Variants in FNDC3A observed in about 807,000 individuals in gnomAD.
FNDC3A encodes the protein fibronectin type III domain containing 3A, also known as fibronectin type-III domain-containing protein 3A.
FNDC3A carries 32 observed loss-of-function variants against 148.9 expected under a neutral mutation model. The ratio of observed to expected loss-of-function variants is 0.21; its 90% confidence interval spans 0.16 to 0.29. The LOEUF (loss-of-function observed/expected upper bound fraction) is 0.29. Among genes scored for constraint, FNDC3A ranks in the 10% least tolerant of loss-of-function variants. FNDC3A has a pLI of 1.00. For synonymous variants in FNDC3A, 472 were observed against 473.6 expected (o/e 1.00, Z 0.04); for missense variants, 1,191 against 1,452.8 (o/e 0.82, Z 2.93).
intron 8 of FNDC3A, among the ~76,000 whole-genome samples, chr13:49,148,259 T>TG (rs1164015055): frequency 6.6e-6 from 1 of 152,190 alleles, no homozygotes; most frequent in Non-Finnish European, 1.5e-5. Flanking sequence ...GCCTGTGCTT[T>TG]GGGGGTCTTA....
chr13:49,112,113 A>G (rs1259608072), intron 3 of FNDC3A, among the ~76,000 whole-genome samples: 1 of 152,244 alleles, frequency 6.6e-6, no homozygotes, highest in East Asian at 1.9e-4. Flanking sequence ...ATGGCAAAAG[A>G]AAAACCTATT....
intron 2 of FNDC3A, among the ~76,000 whole-genome samples, chr13:49,012,220 T>A (rs565267437): frequency 1.3e-5 from 2 of 152,150 alleles, no homozygotes; most frequent in South Asian, 4.2e-4. Context: ...TTCATGCCAT[T>A]CTCCTGCCTC....
intron 1 of FNDC3A, 145 bp from the exon 2 acceptor site, chr13:49,006,007 A>G (rs1394269594): frequency 1.8e-5 from 7 of 387,134 alleles, no homozygotes; most frequent in East Asian, 4.0e-5. Flanking sequence ...TATTGATTGG[A>G]AAAAAAAGCA....
At chr13:49,164,631 A>T (rs1884354771) in intron 8 of FNDC3A, among the ~76,000 whole-genome samples, 2 of 150,792 alleles carry the variant, frequency 1.3e-5, no homozygotes, top group Non-Finnish European at 3.0e-5. Flanking sequence ...TTCTTGAGAC[A>T]GAGTTTTGCT....
At chr13:49,194,664 A>G (rs1221367585) in intron 19 of FNDC3A, among the ~76,000 whole-genome samples, 1 of 152,174 alleles carries the variant, frequency 6.6e-6, no homozygotes. Context: ...CGTGAATATG[A>G]TAGAAACTGG....
intron 1 of FNDC3A, among the ~76,000 whole-genome samples, chr13:48,992,949 G>C (rs1370016796): frequency 6.6e-6 from 1 of 152,100 alleles, no homozygotes; most frequent in African/African-American, 2.4e-5. Flanking sequence ...AGGAGTATTT[G>C]AAAGTTTCAA....
At chr13:49,025,355 C>G (rs1873626391) in intron 2 of FNDC3A, among the ~76,000 whole-genome samples, 1 of 151,898 alleles carries the variant, frequency 6.6e-6, no homozygotes, top group South Asian at 2.1e-4. Flanking sequence ...CTAATATTTT[C>G]TTTTTTCAAG....
At chr13:49,100,185 T>G (rs1879776698) in intron 3 of FNDC3A, among the ~76,000 whole-genome samples, 1 of 152,168 alleles carries the variant, frequency 6.6e-6, no homozygotes. Flanking sequence ...CTTGCATATG[T>G]TTTTTAATAA....
Position 49,138,194 on chromosome 13 carries a change from A to G in FNDC3A, c.761-553A>G, listed in dbSNP as rs141350064. Among the ~76,000 whole-genome samples the G allele has an allele frequency of 1.5e-4, 23 of 152,292 alleles. No homozygotes were observed. The East Asian group carries it at 4.3e-3, about 28-fold the overall frequency. On this transcript the variant is annotated intron_variant, in intron 6 of 25. Coordinates refer to ENST00000492622, the MANE Select transcript of FNDC3A (RefSeq NM_001079673.2). ...AATGTCTTAACTGTTCATGACTTAT[A>G]TATTAACAACATTTACATAAATGTT...
intron 8 of FNDC3A, among the ~76,000 whole-genome samples, chr13:49,162,879 G>T (rs1369629021): frequency 1.4e-5 from 2 of 146,658 alleles, no homozygotes; most frequent in African/African-American, 5.1e-5. Flanking sequence ...CTCAGCTGCA[G>T]GTCTGTTGGA....
intron 2 of FNDC3A, among the ~76,000 whole-genome samples, chr13:49,057,375 A>G (rs1002360011): frequency 2.0e-5 from 3 of 152,180 alleles, no homozygotes; most frequent in Non-Finnish European, 4.4e-5. Context: ...TACTGGCTTT[A>G]TCTCCTATTT....
chr13:48,990,875 A>G (rs1394679200), intron 1 of FNDC3A, among the ~76,000 whole-genome samples: 2 of 152,208 alleles, frequency 1.3e-5, no homozygotes, highest in Non-Finnish European at 2.9e-5. Context: ...ATATTCCTGA[A>G]GTAGTGTATT....
chr13:49,110,531 AT>A lies in FNDC3A; in HGVS notation c.176-4122del, dbSNP rs1441309273. ...ATATCATCGCCATAAAATATTTTAA[AT>A]TGTTGCCATGTAAATACAAAAAGGT... On this transcript the variant is annotated intron_variant, in intron 3 of 25. Transcript: ENST00000492622. 24 of 726,032 alleles carry A rather than the reference AT, an allele frequency of 3.3e-5. No individual in the cohort carries two copies. The African/African-American group carries it at 3.9e-4, about 12-fold the overall frequency. The allele number at this position is 726,032 out of a possible 1,614,324, so 45.0% of individuals were successfully genotyped here.
At chr13:49,060,826 G>A (rs1876629304) in intron 2 of FNDC3A, among the ~76,000 whole-genome samples, 1 of 152,044 alleles carries the variant, frequency 6.6e-6, no homozygotes, top group African/African-American at 2.4e-5. Flanking sequence ...GTGATTACCA[G>A]GGGCTCGGAA....
At chr13:49,135,856 GCTAA>G (rs1205653106) in intron 5 of FNDC3A, among the ~76,000 whole-genome samples, 2 of 151,978 alleles carry the variant, frequency 1.3e-5, no homozygotes, top group Admixed American at 6.6e-5. Context: ...ATTTCTTTTG[GCTAA>G]CTTTTTTTCA....
At chr13:49,062,402 CTT>C (rs1205801225) in intron 2 of FNDC3A, among the ~76,000 whole-genome samples, 2 of 152,148 alleles carry the variant, frequency 1.3e-5, no homozygotes, top group Non-Finnish European at 2.9e-5. Context: ...CAGTTGAACT[CTT>C]TAGCCTACTA....
At chr13:49,110,505 A>T (rs1880493999) in intron 3 of FNDC3A, 1 of 820,674 alleles carries the variant, frequency 1.2e-6, no homozygotes, top group Non-Finnish European at 2.1e-6. Context: ...ATAGATGCTA[A>T]ATATCATCGC....
At chr13:48,991,285 C>A (rs982335805) in intron 1 of FNDC3A, among the ~76,000 whole-genome samples, 5 of 151,952 alleles carry the variant, frequency 3.3e-5, no homozygotes, top group Non-Finnish European at 1.5e-5. Context: ...GTAAGTTAAA[C>A]CAGAAGTTAG....
chr13:49,097,891 T>TA (rs1253635604), intron 3 of FNDC3A, among the ~76,000 whole-genome samples: 1 of 152,114 alleles, frequency 6.6e-6, no homozygotes, highest in African/African-American at 2.4e-5. Context: ...GACCTGAAAT[T>TA]ACAGTAAATT....
Sources: gnomAD v4.1 joint callset for allele counts (sites outside exome capture counted in the v4.1 genomes callset) on GRCh38, gnomAD v4.1.1 for gene constraint, MANE v1.5 for transcripts, NCBI Gene and HGNC (gene_info 2026-07-23, HGNC 2026-07-21) for gene names.